CNTN4: variants seen among roughly 807,000 people sequenced by gnomAD.
CNTN4 encodes the protein contactin 4.
In CNTN4, 77 loss-of-function variants were observed where a neutral mutation model predicts 122.5. The observed-to-expected ratio is 0.63, with a 90% confidence interval of 0.52 to 0.76. The LOEUF (loss-of-function observed/expected upper bound fraction) is 0.76. Among genes scored for constraint, CNTN4 ranks in the 30% least tolerant of loss-of-function variants. CNTN4 has a pLI of 0.00. For missense variants in CNTN4, 1,256 were observed against 1,259.1 expected (o/e 1.00, Z 0.04); for synonymous variants, 512 against 447.0 (o/e 1.15, Z -1.83).
chr3:2,369,789 TAAAAG>T (rs1471370380), intron 3 of CNTN4, among the ~76,000 whole-genome samples: 1 of 152,098 alleles, frequency 6.6e-6, no homozygotes, highest in Non-Finnish European at 1.5e-5. Context: ...TTAAAAAAAA[TAAAAG>T]AAATAGTAAC....
intron 7 of CNTN4, among the ~76,000 whole-genome samples, chr3:2,861,844 A>G (rs1292411681): frequency 2.0e-5 from 3 of 152,204 alleles, no homozygotes; most frequent in Admixed American, 6.5e-5. Flanking sequence ...GATGATCTAC[A>G]TATAGAATGT....
intron 6 of CNTN4, among the ~76,000 whole-genome samples, chr3:2,803,152 A>T (rs1193521242): frequency 6.6e-6 from 1 of 152,238 alleles, no homozygotes; most frequent in Admixed American, 6.5e-5. Context: ...CATTTTCAGA[A>T]TGATTAAATG....
intron 6 of CNTN4, among the ~76,000 whole-genome samples, chr3:2,768,220 T>C (rs1381019281): frequency 6.6e-6 from 1 of 152,204 alleles, no homozygotes; most frequent in Non-Finnish European, 1.5e-5. Flanking sequence ...AATCCGGTAA[T>C]ATAAATTGTA....
Position 2,321,133 on chromosome 3 carries a change from G to T in CNTN4, c.-144-18045G>T, listed in dbSNP as rs144542401. On this transcript the variant is annotated intron_variant, in intron 2 of 24. Transcript: ENST00000418658. ...TGAAGAAGCTCTGTCCTATAGCTCT[G>T]AAGGGACCCATTTTAATTCACAGAG... Among the ~76,000 whole-genome samples, 5 of 152,174 alleles carry T rather than the reference G, an allele frequency of 3.3e-5. 1 individual carries two copies. Among genetic ancestry groups the T allele is most frequent in the African/African-American group, 1.2e-4 (5 of 41,536 alleles).
intron 10 of CNTN4, among the ~76,000 whole-genome samples, chr3:2,897,447 A>AG (rs2094127787): frequency 6.6e-6 from 1 of 151,762 alleles, no homozygotes; most frequent in South Asian, 2.1e-4. Flanking sequence ...TACAAAAAAA[A>AG]AAAGACATTT....
chr3:2,250,950 C>T (rs1431913747), intron 2 of CNTN4, among the ~76,000 whole-genome samples: 1 of 151,770 alleles, frequency 6.6e-6, no homozygotes, highest in Admixed American at 6.6e-5. Flanking sequence ...AAGACACCTG[C>T]AAATTTTATG....
At position 2,403,993 on chromosome 3, in the gene CNTN4, C is replaced by T. The variant is rs116541963; in HGVS notation, c.-89+64760C>T. On this transcript the variant is annotated intron_variant, in intron 3 of 24. Transcript: ENST00000418658. ...GTACAGATTGTCCATATAATACTTT[C>T]TCAATTTCTTCACATCAGACATTTG... Among the ~76,000 whole-genome samples the T allele has an allele frequency of 2.0e-3, 309 of 152,290 alleles. 1 individual carries two copies. Among genetic ancestry groups the T allele is most frequent in the African/African-American group, 7.3e-3 (303 of 41,564 alleles).
chr3:2,508,434 G>A (rs900896758), intron 3 of CNTN4, among the ~76,000 whole-genome samples: 15 of 152,172 alleles, frequency 9.9e-5, no homozygotes, highest in African/African-American at 3.4e-4. Context: ...AGATTCTAAA[G>A]CATTTAAAAA....
intron 24 of CNTN4, among the ~76,000 whole-genome samples, chr3:3,054,361 C>G (rs149820481): frequency 5.2e-4 from 79 of 152,308 alleles, no homozygotes; most frequent in Middle Eastern, 3.4e-3. Context: ...AGCAGTTTTT[C>G]TCCAGTGAAA....
At chr3:2,940,250 A>C (rs976143490) in intron 13 of CNTN4, among the ~76,000 whole-genome samples, 19 of 152,234 alleles carry the variant, frequency 1.2e-4, no homozygotes, top group Non-Finnish European at 1.5e-5. Flanking sequence ...AGAACCACGA[A>C]ATAGGGCTGC....
At chr3:2,892,284 A>G (rs892337473) in intron 10 of CNTN4, 1 of 152,180 alleles carries the variant, frequency 6.6e-6, no homozygotes, top group African/African-American at 2.4e-5. Context: ...AGAACCAAGC[A>G]TTTGCATTTC....
chr3:2,698,772 C>T (rs909979953), intron 4 of CNTN4, among the ~76,000 whole-genome samples: 6 of 152,184 alleles, frequency 3.9e-5, no homozygotes, highest in African/African-American at 1.4e-4. Flanking sequence ...CTGGCCAACA[C>T]TTTGGGAGGC....
chr3:2,367,818 T>C (rs1462884916), intron 3 of CNTN4, among the ~76,000 whole-genome samples: 2 of 151,492 alleles, frequency 1.3e-5, no homozygotes, highest in Non-Finnish European at 2.9e-5. Flanking sequence ...CCATTGAAAC[T>C]TTTTTTTCTC....
At chr3:2,145,959 TA>T (rs10677488) in intron 2 of CNTN4, among the ~76,000 whole-genome samples, 22 of 151,614 alleles carry the variant, frequency 1.5e-4, no homozygotes, top group African/African-American at 4.6e-4. Context: ...TTTTTTTTTT[TA>T]AATGAAGTTG....
chr3:2,839,787 T>C (rs896431169), intron 7 of CNTN4, among the ~76,000 whole-genome samples: 9 of 152,308 alleles, frequency 5.9e-5, no homozygotes, highest in African/African-American at 2.2e-4. Context: ...TGGGTTACAC[T>C]TGACATCTCA....
intron 10 of CNTN4, chr3:2,892,144 A>G (rs1161546628): frequency 6.6e-6 from 1 of 152,252 alleles, no homozygotes; most frequent in East Asian, 1.9e-4. Context: ...ATGCTTTGCT[A>G]GAGGTTCTGA....
intron 3 of CNTN4, among the ~76,000 whole-genome samples, chr3:2,513,777 T>C (rs1355817599): frequency 2.6e-5 from 4 of 152,176 alleles, no homozygotes; most frequent in African/African-American, 9.7e-5. Context: ...GTTTGCTTAA[T>C]CTGCAGGAAA....
intron 2 of CNTN4, among the ~76,000 whole-genome samples, chr3:2,327,559 A>T (rs373803114): frequency 6.6e-6 from 1 of 152,190 alleles, no homozygotes; most frequent in Non-Finnish European, 1.5e-5. Flanking sequence ...TATGTTTTAC[A>T]TGTATTTCCT....
intron 12 of CNTN4, among the ~76,000 whole-genome samples, chr3:2,916,149 C>T (rs2094351268): frequency 6.6e-6 from 1 of 152,140 alleles, no homozygotes; most frequent in Non-Finnish European, 1.5e-5. Context: ...TACATGTAAA[C>T]ATTGTCAAGA....
Sources: allele counts gnomAD v4.1 joint callset (sites outside exome capture counted in the v4.1 genomes callset), GRCh38; gene constraint gnomAD v4.1.1; transcripts MANE v1.5; gene names NCBI Gene and HGNC (gene_info 2026-07-23, HGNC 2026-07-21).